The following BCL9L variants were observed in gnomAD, a reference collection of about 807,000 sequenced individuals.
The protein encoded by BCL9L is B-cell CLL/lymphoma 9-like protein.
A neutral mutation model predicts 99.4 loss-of-function variants in BCL9L; 19 were observed. That is an observed-to-expected ratio of 0.19 (90% CI 0.13 to 0.28). BCL9L has a LOEUF of 0.28. BCL9L is among the 10% of genes least tolerant of loss of function. The pLI is 1.00. For missense variants in BCL9L, 2,023 were observed against 2,101.6 expected, an observed-to-expected ratio of 0.96 and a Z score of 0.73; for synonymous variants, 900 against 854.8, an observed-to-expected ratio of 1.05 and a Z score of -0.92.
rs138526953 is a variant in BCL9L, at chr11:118,922,770, C to A, written c.-131+2468G>T. Among the ~76,000 whole-genome samples, 2,151 of 152,262 alleles carry A rather than the reference C, an allele frequency of 0.014. 25 individuals are homozygous for A. The highest frequency in any genetic ancestry group is 0.022 in the Non-Finnish European group (1,477 of 68,002). On this transcript the variant is annotated intron_variant, in intron 1 of 9. Transcript: ENST00000683865. This position sits in a 1 kb window ranked among gnomAD's most constrained non-coding sequence, Gnocchi z 6.2. ...GAAGGAAGGGATGCCATTCCCCTGTCACCCCTGGGTGCCCAGGCTCTTGAG... is the reference window on the plus strand; with the variant it reads ...GAAGGAAGGGATGCCATTCCCCTGTAACCCCTGGGTGCCCAGGCTCTTGAG...
rs771419655 is a variant in BCL9L at position 118,897,873 on chromosome 11, G to T, written c.*542C>A. The T allele has an allele frequency of 4.4e-6, 2 of 456,722 alleles. No homozygotes were observed. The highest frequency in any genetic ancestry group is 2.0e-5 in the African/African-American group (1 of 50,012). 28.3% of individuals were successfully genotyped at this position (456,722 alleles called of 1,614,324 possible). On this transcript the variant is annotated 3_prime_UTR_variant, in exon 10 of 10. Transcript: ENST00000683865. ...CTGGCACCTGCCCACCTGGCCAGCC[G>T]CCTGCAGGGAGGGGTGGGAGAGGGG...
chr11:118,901,846 C>G lies in BCL9L; in HGVS notation c.1897G>C (p.Val633Leu), dbSNP rs34337307. 3.9e-5 allele frequency: 63 copies of G among 1,609,502 alleles called. No homozygotes were observed. The highest frequency in any genetic ancestry group is 5.4e-5 in the Non-Finnish European group (63 of 1,176,376). Residue 633 changes from valine (V) to leucine (L), a missense_variant, in exon 8 of 10, where the codon GTG becomes CTG. By Grantham distance (32) the Val-to-Leu change is conservative. Coordinates refer to ENST00000683865, the MANE Select transcript of BCL9L (RefSeq NM_001378213.1). The surrounding 1 kb of genome is among the most constrained non-coding windows in gnomAD (Gnocchi z 6.6). Reference protein sequence around the residue: ...EVPMNAMQRPVRPGMGWTEDL... With the variant: ...EVPMNAMQRPLRPGMGWTEDL... ...TCGGTCCAGCCCATGCCTGGTCTCACGGGCCTCTGCATGGCATTCATGGGC... is the reference window on the plus strand; with the variant it reads ...TCGGTCCAGCCCATGCCTGGTCTCAGGGGCCTCTGCATGGCATTCATGGGC...
rs781091194 is a variant in BCL9L, at chr11:118,901,335, G to A, written c.2408C>T (p.Pro803Leu). 6.2e-7 allele frequency: 1 copy of A among 1,613,666 alleles called. No individual in the cohort carries two copies. The highest frequency in any genetic ancestry group is 1.1e-5 in the South Asian group (1 of 91,090). The change falls in exon 8 of 10, where the codon CCT becomes CTT. Residue 803 changes from proline to leucine, a missense_variant. Physicochemically the swap from Pro to Leu is moderately conservative, Grantham distance 98. Coordinates refer to ENST00000683865, the MANE Select transcript of BCL9L (RefSeq NM_001378213.1). This position sits in a 1 kb window ranked among gnomAD's most constrained non-coding sequence, Gnocchi z 6.6. Reference sequence around the variant, plus strand: ...GCCCTGGGGCCCCATCAAGTCCCCAGGGCCCCGCATCTTCTGCGACATCAG... The same window carrying A: ...GCCCTGGGGCCCCATCAAGTCCCCAAGGCCCCGCATCTTCTGCGACATCAG... ...QMLMSQKMRGPGDLMGPQGLS... is the reference protein window; with the variant it reads ...QMLMSQKMRGLGDLMGPQGLS...
In BCL9L at chr11:118,901,248, G is replaced by A. The variant is rs183804575; in HGVS notation, c.2495C>T (p.Pro832Leu). ...AQNSSGVMGG[P>L]QKMLMPSQFP... ...CTGTGAAGGCATCAGCATCTTCTGC[G>A]GGCCGCCCATCACGCCACTGCTGTT... is the stretch of plus-strand genomic sequence containing the variant. Residue 832 changes from proline (P) to leucine (L), a missense_variant, in exon 8 of 10, where the codon CCG becomes CTG. Physicochemically the swap from Pro to Leu is moderately conservative, Grantham distance 98. Transcript: ENST00000683865. This position sits in a 1 kb window ranked among gnomAD's most constrained non-coding sequence, Gnocchi z 6.6. 7.9e-5 allele frequency: 128 copies of A among 1,614,024 alleles called. No homozygotes were observed. In the Admixed American group the frequency reaches 8.5e-4, roughly 11 times the overall value.
chr11:118,902,445 C>A lies in BCL9L; in HGVS notation c.1298G>T (p.Gly433Val). 1 of 1,598,174 alleles carries A rather than the reference C, an allele frequency of 6.3e-7. No homozygotes were observed. Reference sequence around the variant, plus strand: ...CCCCTCACCCGCTCCTCCTGGGGGCCCCTTGAGGAAGGGCTCAGTCTCTCC... The same window carrying A: ...CCCCTCACCCGCTCCTCCTGGGGGCACCTTGAGGAAGGGCTCAGTCTCTCC... Reference protein sequence around the residue: ...RSGETEPFLKGPPGGAGEGGP... With the variant: ...RSGETEPFLKVPPGGAGEGGP... The change falls in exon 8 of 10, where the codon GGG (glycine) becomes GTG (valine). Residue 433 changes from glycine to valine, a missense_variant. By Grantham distance (109) the Gly-to-Val change is moderately radical (BLOSUM62 -3). Around this residue, in one of 3 missense-constraint regions of BCL9L, gnomAD observed 1,116 missense variants for 1,194.6 expected, o/e 0.93. Coordinates refer to ENST00000683865, the MANE Select transcript of BCL9L (RefSeq NM_001378213.1). This position sits in a 1 kb window ranked among gnomAD's most constrained non-coding sequence, Gnocchi z 7.8.
rs1941136610 is a variant in BCL9L, at chr11:118,921,479, A to T, written c.-130-2600T>A. Among the ~76,000 whole-genome samples the T allele has an allele frequency of 6.6e-6, 1 of 151,630 alleles. No homozygotes were observed. The highest frequency in any genetic ancestry group is 1.5e-5 in the Non-Finnish European group (1 of 67,950). On this transcript the variant is annotated intron_variant, in intron 1 of 9. Transcript: ENST00000683865. This position sits in a 1 kb window ranked among gnomAD's most constrained non-coding sequence, Gnocchi z 5.4. The stretch of plus-strand genomic sequence containing the variant: ...AAATGCTGGATTCAGGGCCATTCCG[A>T]GTTGAGGCTGGGGGTGGGGAAGTGG...
chr11:118,899,191 T>G lies in BCL9L; in HGVS notation c.3724A>C (p.Thr1242Pro). 1 of 1,491,892 alleles carries G rather than the reference T, an allele frequency of 6.7e-7. No homozygotes were observed. Among genetic ancestry groups the G allele is most frequent in the South Asian group, 1.4e-5 (1 of 73,628 alleles). The allele number at this position is 1,491,892 out of a possible 1,614,324, so 92.4% of individuals were successfully genotyped here. Residue 1242 changes from threonine (T) to proline (P), a missense_variant, in exon 10 of 10, where the codon ACT becomes CCT. By Grantham distance (38) the Thr-to-Pro change is conservative. This residue lies in a region of BCL9L where 902 missense variants were observed against 888.2 expected (regional missense o/e 1.02). Transcript: ENST00000683865. ...LQQPHGAMAP[T>P]GGGGGGPGLQ... ...CCAGGCCCCCCGCCCCCACCCCCAG[T>G]GGGGGCCATGGCACCATGGGGCTGC...
rs756712665 is a variant in BCL9L, at chr11:118,900,575, CGCCTGCCT to C, written c.3124+36_3124+43del. ...GCCCCAGCATGGACACACTGCTCAG[CGCCTGCCT>C]GCCTGCCTGCCTGCCTGCCTGCGCA... On this transcript the variant is annotated intron_variant, in intron 8 of 9. Coordinates refer to ENST00000683865, the MANE Select transcript of BCL9L (RefSeq NM_001378213.1). The surrounding 1 kb of genome is among the most constrained non-coding windows in gnomAD (Gnocchi z 5.3). The C allele has an allele frequency of 4.4e-5, 68 of 1,558,142 alleles. No individual in the cohort carries two copies. Among genetic ancestry groups the C allele is most frequent in the African/African-American group, 9.4e-5 (7 of 74,182 alleles).
chr11:118,906,626 C>T (rs2137714792), intron 5 of BCL9L, among the ~76,000 whole-genome samples: 1 of 152,270 alleles, frequency 6.6e-6, no homozygotes, highest in East Asian at 1.9e-4. Flanking sequence ...TCAAGGAGTT[C>T]ACAATTTAAT....
rs1431808576 is a variant in BCL9L at position 118,907,496 on chromosome 11, A to C, written c.519T>G (p.Ile173Met). 24 of 1,614,056 alleles carry C rather than the reference A, an allele frequency of 1.5e-5. No individual in the cohort carries two copies. The highest frequency in any genetic ancestry group is 2.0e-5 in the Non-Finnish European group (24 of 1,180,018). The change falls in exon 5 of 10, where the codon ATT becomes ATG. Residue 173 changes from isoleucine to methionine, a missense_variant. By Grantham distance (10) the Ile-to-Met change is conservative. Coordinates refer to ENST00000683865, the MANE Select transcript of BCL9L (RefSeq NM_001378213.1). ...GPDSEEDDKP[I>M]GATHNCNVAD... is the part of the protein sequence containing the mutation. ...ACAGGCACTCACTGTGGGTGGCCCCAATGGGCTTGTCGTCCTCCTCACTGT... is the reference window on the plus strand; with the variant it reads ...ACAGGCACTCACTGTGGGTGGCCCCCATGGGCTTGTCGTCCTCCTCACTGT...
intron 2 of BCL9L, chr11:118,911,136 C>A: frequency 2.3e-6 from 1 of 434,198 alleles, no homozygotes; most frequent in Non-Finnish European, 4.7e-6. Flanking sequence ...AACAGACTTA[C>A]ACAAACACAG....
rs1217579386 is a variant in BCL9L, at chr11:118,902,420, C to G, written c.1323G>C (p.Gly441=). The G allele has an allele frequency of 1.3e-6, 2 of 1,582,310 alleles. No individual in the cohort carries two copies. Among genetic ancestry groups the G allele is most frequent in the Non-Finnish European group, 1.7e-6 (2 of 1,165,886 alleles). Residue 441 remains glycine, a synonymous_variant, in exon 8 of 10, where the codon GGG becomes GGC. Coordinates refer to ENST00000683865, the MANE Select transcript of BCL9L (RefSeq NM_001378213.1). The surrounding 1 kb of genome is among the most constrained non-coding windows in gnomAD (Gnocchi z 7.8). The part of the protein sequence containing the change: ...LKGPPGGAGE[G]GPPAQAPPPP... ...GAGGGGGGGCTTGTGCTGGTGGGCCCCCCTCACCCGCTCCTCCTGGGGGCC... is the reference window on the plus strand; with the variant it reads ...GAGGGGGGGCTTGTGCTGGTGGGCCGCCCTCACCCGCTCCTCCTGGGGGCC...
In BCL9L at chr11:118,899,156, C is replaced by G; in HGVS notation, c.3759G>C (p.Gln1253His). The G allele has an allele frequency of 6.7e-7, 1 of 1,498,994 alleles. No homozygotes were observed. Among genetic ancestry groups the G allele is most frequent in the Non-Finnish European group, 8.9e-7 (1 of 1,121,040 alleles). 92.9% of individuals were successfully genotyped at this position (1,498,994 alleles called of 1,614,324 possible). The change falls in exon 10 of 10, where the codon CAG (glutamine) becomes CAC (histidine). Residue 1253 changes from glutamine (Q) to histidine (H), a missense_variant. Gln to His is a conservative substitution (Grantham distance 24). Around this residue, in one of 3 missense-constraint regions of BCL9L, gnomAD observed 902 missense variants for 888.2 expected, o/e 1.02. Coordinates refer to ENST00000683865, the MANE Select transcript of BCL9L (RefSeq NM_001378213.1). ...GCAGGGCCATGCCTGACGGGTAGTG[C>G]TGCTGCAGGCCAGGCCCCCCGCCCC... ...GGGGGGPGLQ[Q>H]HYPSGMALPP...
chr11:118,918,602 A>G (rs983343625), intron 2 of BCL9L, among the ~76,000 whole-genome samples: 1 of 151,506 alleles, frequency 6.6e-6, no homozygotes, highest in Non-Finnish European at 1.5e-5. Flanking sequence ...TCCCCACCTG[A>G]CTGGGTCTAG....
At position 118,898,180 on chromosome 11, in the gene BCL9L, A is replaced by C; in HGVS notation, c.*235T>G. On this transcript the variant is annotated 3_prime_UTR_variant, in exon 10 of 10. Coordinates refer to ENST00000683865, the MANE Select transcript of BCL9L (RefSeq NM_001378213.1). ...GAATTGGGAGGAGTGGGGGAGGGGCAGTCCTGGTGGCCGAAATGGAACCAA... is the reference window on the plus strand; with the variant it reads ...GAATTGGGAGGAGTGGGGGAGGGGCCGTCCTGGTGGCCGAAATGGAACCAA... 2 of 602,072 alleles carry C rather than the reference A, an allele frequency of 3.3e-6. No individual in the cohort carries two copies. Among genetic ancestry groups the C allele is most frequent in the South Asian group, 4.1e-5 (2 of 49,338 alleles). 37.3% of individuals were successfully genotyped at this position (602,072 alleles called of 1,614,324 possible).
intron 1 of BCL9L, among the ~76,000 whole-genome samples, chr11:118,919,118 GA>G (rs1565630217): frequency 1.1e-4 from 2 of 17,936 alleles, no homozygotes; most frequent in African/African-American, 2.5e-4. Flanking sequence ...CCCCCCCCCC[GA>G]CCCCCCAACC....
chr11:118,910,928 C>CT (rs1398514715), intron 2 of BCL9L: 41 of 84,436 alleles, frequency 4.9e-4, no homozygotes, highest in Non-Finnish European at 1.5e-4. Context: ...TAGAGGCGCG[C>CT]CGAGGCCAGG....
chr11:118,898,353 A>G lies in BCL9L; in HGVS notation c.*62T>C. The G allele has an allele frequency of 1.6e-6, 2 of 1,281,734 alleles. No individual in the cohort carries two copies. Among genetic ancestry groups the G allele is most frequent in the Non-Finnish European group, 2.0e-6 (2 of 976,406 alleles). The allele number at this position is 1,281,734 out of a possible 1,614,324, so 79.4% of individuals were successfully genotyped here. On this transcript the variant is annotated 3_prime_UTR_variant, in exon 10 of 10. Coordinates refer to ENST00000683865, the MANE Select transcript of BCL9L (RefSeq NM_001378213.1). ...CCAGGCCATCCCAACATTGAGGGGA[A>G]GAACTTTGTTAAGGTTATCGTATTT... is the stretch of plus-strand genomic sequence containing the variant.
At chr11:118,919,640 C>T (rs528569021) in intron 1 of BCL9L, among the ~76,000 whole-genome samples, 3 of 152,102 alleles carry the variant, frequency 2.0e-5, no homozygotes, top group Non-Finnish European at 4.4e-5. Context: ...TCTCACTGCA[C>T]TGGGCGGGGG....
Sources: gnomAD v4.1 joint callset for allele counts (sites outside exome capture counted in the v4.1 genomes callset) on GRCh38, gnomAD v4.1.1 for gene constraint, gnomAD v4.1.1 regional missense constraint, Gnocchi (gnomAD v3.1) non-coding constraint, MANE v1.5 for transcripts, NCBI Gene and HGNC (gene_info 2026-07-23, HGNC 2026-07-21) for gene names.